Variants in TSPEAR observed in about 807,000 individuals in gnomAD.
TSPEAR encodes the protein thrombospondin-type laminin G domain and EAR repeat-containing protein.
Under a neutral mutation model 71.6 loss-of-function variants are expected in TSPEAR, and 69 were observed. The observed-to-expected ratio is 0.96, with a 90% CI of 0.79 to 1.18. The LOEUF is 1.18. Among genes scored for constraint, TSPEAR ranks in the 50% most tolerant of loss-of-function variants. The pLI, the probability that TSPEAR is intolerant of heterozygous loss-of-function variation, is 0.00. For synonymous variants in TSPEAR, 402 were observed against 387.2 expected, an observed-to-expected ratio of 1.04 and a Z score of -0.45; for missense variants, 971 against 894.9, an observed-to-expected ratio of 1.09 and a Z score of -1.09.
chr21:44,700,801 G>C lies in TSPEAR; in HGVS notation c.82+10632C>G, dbSNP rs140452041. Among the ~76,000 whole-genome samples the C allele has an allele frequency of 2.0e-5, 3 of 152,328 alleles. No homozygotes were observed. The East Asian group carries it at 5.8e-4, about 29-fold the overall frequency. The stretch of plus-strand genomic sequence containing the variant: ...TGCCTCGTGGCCAATAAAAACAGTG[G>C]CTGACCTTCAGGAAGCCTTCGTGAC... On this transcript the variant is annotated intron_variant, in intron 1 of 11. Coordinates refer to ENST00000323084, the MANE Select transcript of TSPEAR (RefSeq NM_144991.3).
intron 1 of TSPEAR, chr21:44,579,785 G>C: frequency 6.2e-7 from 1 of 1,612,446 alleles, no homozygotes; most frequent in Non-Finnish European, 8.5e-7. Context: ...GGGGGAGCAC[G>C]CGGGGCGGCA....
At chr21:44,608,341 C>T (rs1159396239) in intron 1 of TSPEAR, among the ~76,000 whole-genome samples, 1 of 152,232 alleles carries the variant, frequency 6.6e-6, no homozygotes, top group African/African-American at 2.4e-5. Flanking sequence ...ACATGCACCC[C>T]TCTCTTCCCA....
At chr21:44,503,476 G>A (rs1167535033) in intron 11 of TSPEAR, among the ~76,000 whole-genome samples, 5 of 135,912 alleles carry the variant, frequency 3.7e-5, no homozygotes, top group Admixed American at 7.5e-5. Flanking sequence ...GTGAGCCCTC[G>A]GGGGGAAGAA....
chr21:44,574,528 A>T (rs782586129), intron 1 of TSPEAR: 1 of 1,609,544 alleles, frequency 6.2e-7, no homozygotes, highest in South Asian at 1.1e-5. Flanking sequence ...TCTAGCTGCC[A>T]GCCGGCTTGC....
intron 6 of TSPEAR, among the ~76,000 whole-genome samples, 182 bp downstream of exon 6, chr21:44,528,270 G>C (rs891256407): frequency 3.4e-4 from 52 of 152,196 alleles, no homozygotes; most frequent in African/African-American, 1.3e-3. Context: ...TGTCCTGCCC[G>C]CTGCTTGCTT....
intron 2 of TSPEAR, among the ~76,000 whole-genome samples, chr21:44,566,575 A>G (rs115660372): frequency 6.6e-6 from 1 of 152,200 alleles, no homozygotes; most frequent in Non-Finnish European, 1.5e-5. Flanking sequence ...ACAAAGTTGG[A>G]TGACTCATAG....
intron 1 of TSPEAR, chr21:44,601,082 C>G (rs1555928571): frequency 1.9e-6 from 3 of 1,609,006 alleles, no homozygotes; most frequent in East Asian, 4.5e-5. Flanking sequence ...TGCCAGCAGG[C>G]CTGCTGTGTG....
At chr21:44,658,787 TTA>T (rs1249367504) in intron 1 of TSPEAR, among the ~76,000 whole-genome samples, 5 of 152,124 alleles carry the variant, frequency 3.3e-5, no homozygotes, top group Non-Finnish European at 7.4e-5. Flanking sequence ...TCTTGCGTTT[TTA>T]TGTTACCCAG....
At chr21:44,683,109 C>T (rs1216951412) in intron 1 of TSPEAR, among the ~76,000 whole-genome samples, 3 of 151,974 alleles carry the variant, frequency 2.0e-5, no homozygotes, top group South Asian at 2.1e-4. Flanking sequence ...CAGTGAGACC[C>T]GCCTAGGCCA....
At position 44,593,188 on chromosome 21, in the gene TSPEAR, G is replaced by T. The variant is rs2146129840; in HGVS notation, c.83-25183C>A. ...CAGCATGACAGCCTTCTGGGCTGTG[G>T]TTTTGGGTTCTGAACCTGCAGAGTA... On this transcript the variant is annotated intron_variant, in intron 1 of 11. Transcript: ENST00000323084. This position sits in a 1 kb window ranked among gnomAD's most constrained non-coding sequence, Gnocchi z 5.9. 6.6e-6 allele frequency among the ~76,000 whole-genome samples: 1 copy of T among 152,326 alleles called. No individual in the cohort carries two copies. The highest frequency in any genetic ancestry group is 1.9e-4 in the East Asian group (1 of 5,170).
At chr21:44,634,047 C>T (rs587660441) in intron 1 of TSPEAR, among the ~76,000 whole-genome samples, 2 of 152,198 alleles carry the variant, frequency 1.3e-5, no homozygotes, top group East Asian at 3.9e-4. Flanking sequence ...GAGTTCGAGA[C>T]CAGCCTGGGT....
chr21:44,596,854 C>T (rs1388988074), intron 1 of TSPEAR, among the ~76,000 whole-genome samples: 1 of 152,194 alleles, frequency 6.6e-6, no homozygotes, highest in Admixed American at 6.5e-5. Context: ...ATCTTAATAA[C>T]TCGTGGGAGC....
intron 1 of TSPEAR, among the ~76,000 whole-genome samples, chr21:44,709,502 C>G (rs181616988): frequency 6.6e-6 from 1 of 152,328 alleles, no homozygotes; most frequent in East Asian, 1.9e-4. Flanking sequence ...GAATGAGCGC[C>G]GAAAATCAAA....
At chr21:44,598,798 C>A (rs1320794289) in intron 1 of TSPEAR, among the ~76,000 whole-genome samples, 1 of 152,118 alleles carries the variant, frequency 6.6e-6, no homozygotes, top group Non-Finnish European at 1.5e-5. Flanking sequence ...GCATTTTTAT[C>A]CTTCCGTCAT....
In TSPEAR at chr21:44,699,137, C is replaced by T. The variant is rs145255745; in HGVS notation, c.82+12296G>A. 4.6e-3 allele frequency among the ~76,000 whole-genome samples: 701 copies of T among 152,224 alleles called. 7 individuals carry two copies. The highest frequency in any genetic ancestry group is 0.016 in the African/African-American group (676 of 41,530). ...CACTCGAGCCGGGAGGCGGAGGGTG[C>T]AGTGAGCTGAGATTGTACCACTGCA... On this transcript the variant is annotated intron_variant, in intron 1 of 11. Coordinates refer to ENST00000323084, the MANE Select transcript of TSPEAR (RefSeq NM_144991.3).
chr21:44,518,577 G>T, intron 9 of TSPEAR: 1 of 460,226 alleles, frequency 2.2e-6, no homozygotes, highest in South Asian at 1.6e-5. Context: ...CAGCTGTTAG[G>T]AGACCTTGCC....
At chr21:44,622,605 C>G (rs1284065612) in intron 1 of TSPEAR, among the ~76,000 whole-genome samples, 3 of 152,202 alleles carry the variant, frequency 2.0e-5, no homozygotes, top group Non-Finnish European at 4.4e-5. Flanking sequence ...TGCCTCATGA[C>G]AATCTTTGCC....
At position 44,531,073 on chromosome 21, in the gene TSPEAR, G is replaced by A; in HGVS notation, c.603C>T (p.Gly201=). The A allele has an allele frequency of 6.2e-7, 1 of 1,613,752 alleles. No homozygotes were observed. The highest frequency in any genetic ancestry group is 8.5e-7 in the Non-Finnish European group (1 of 1,179,992). The change falls in exon 4 of 12, where the codon GGC becomes GGT. Residue 201 remains glycine (G), a synonymous_variant. Coordinates refer to ENST00000323084, the MANE Select transcript of TSPEAR (RefSeq NM_144991.3). ...LSVKGARFFV[G]SRRRAKGLFM... ...ACAGGCCTTTGGCTCTCCTCCGGCTGCCGACGAAGAATCGAGCTCCTTTCA... is the reference window on the plus strand; with the variant it reads ...ACAGGCCTTTGGCTCTCCTCCGGCTACCGACGAAGAATCGAGCTCCTTTCA...
At position 44,614,268 on chromosome 21, in the gene TSPEAR, C is replaced by A. The variant is rs183588168; in HGVS notation, c.83-46263G>T. On this transcript the variant is annotated intron_variant, in intron 1 of 11. Transcript: ENST00000323084. ...CACGGTCTGAGCTGGGGATGGCCGT[C>A]CCCACTGACGTCAGGCAGCCCTAAG... 3.7e-3 allele frequency among the ~76,000 whole-genome samples: 571 copies of A among 152,390 alleles called. 2 individuals are homozygous for A. Among genetic ancestry groups the A allele is most frequent in the Non-Finnish European group, 6.7e-3 (459 of 68,036 alleles).
Sources: gnomAD v4.1 joint callset for allele counts (sites outside exome capture counted in the v4.1 genomes callset) on GRCh38, gnomAD v4.1.1 for gene constraint, Gnocchi (gnomAD v3.1) non-coding constraint, MANE v1.5 for transcripts, NCBI Gene and HGNC (gene_info 2026-07-23, HGNC 2026-07-21) for gene names.